Variants in PHF14 observed in about 807,000 individuals in gnomAD.
The protein encoded by PHF14 is PHD finger protein 14.
PHF14 carries 55 observed loss-of-function variants against 117.9 expected under a neutral mutation model. That is an observed-to-expected ratio of 0.47 (90% CI 0.38 to 0.58). The LOEUF is 0.58. PHF14 is among the 20% of genes least tolerant of loss of function. The pLI is 0.00. For missense variants in PHF14, 978 were observed against 1,122.2 expected (o/e 0.87, Z 1.84); for synonymous variants, 409 against 368.6 (o/e 1.11, Z -1.26).
At chr7:11,108,850 G>T (rs1479294633) in intron 16 of PHF14, 2 of 151,696 alleles carry the variant, frequency 1.3e-5, no homozygotes, top group Non-Finnish European at 3.0e-5. Flanking sequence ...TGATACACAT[G>T]CATCATGATA....
At chr7:10,986,026 T>C (rs1312981585) in intron 3 of PHF14, among the ~76,000 whole-genome samples, 1 of 152,066 alleles carries the variant, frequency 6.6e-6, no homozygotes, top group African/African-American at 2.4e-5. Context: ...TGGGGTGCAG[T>C]GGTGTGATCA....
At chr7:11,048,433 A>G (rs566254293) in intron 13 of PHF14, among the ~76,000 whole-genome samples, 2,295 of 152,158 alleles carry the variant, frequency 0.015, 19 homozygotes, top group Non-Finnish European at 0.023. Flanking sequence ...TTAGCCAGGC[A>G]TGGTGGCAGG....
chr7:10,994,832 G>A (rs868550513), intron 4 of PHF14, among the ~76,000 whole-genome samples: 4 of 152,124 alleles, frequency 2.6e-5, no homozygotes, highest in African/African-American at 7.2e-5. Context: ...AAGGCAGCGC[G>A]TACCCGAAGA....
At chr7:11,063,786 C>G in intron 16 of PHF14, 1 of 595,290 alleles carries the variant, frequency 1.7e-6, no homozygotes, top group Non-Finnish European at 2.1e-6. Context: ...AAAAAAAGTG[C>G]CATCTTCTAA....
intron 16 of PHF14, chr7:11,108,930 T>G (rs747024875): frequency 6.6e-6 from 1 of 151,754 alleles, no homozygotes; most frequent in African/African-American, 2.4e-5. Flanking sequence ...AAAGTAAATA[T>G]GCAGTAATTA....
At chr7:11,138,079 C>G (rs1788286278) in intron 17 of PHF14, among the ~76,000 whole-genome samples, 1 of 151,326 alleles carries the variant, frequency 6.6e-6, no homozygotes, top group Admixed American at 6.6e-5. Flanking sequence ...GCTCTGTCAC[C>G]CAGCAGGCTG....
chr7:11,057,609 G>A (rs886416317), intron 14 of PHF14, among the ~76,000 whole-genome samples: 1 of 152,052 alleles, frequency 6.6e-6, no homozygotes, highest in Non-Finnish European at 1.5e-5. Context: ...CGTTACCTCA[G>A]GTGATCTACC....
intron 17 of PHF14, among the ~76,000 whole-genome samples, chr7:11,129,852 AG>A (rs1788043273): frequency 6.6e-6 from 1 of 152,018 alleles, no homozygotes; most frequent in African/African-American, 2.4e-5. Flanking sequence ...TAAGAAGTAT[AG>A]GTAAGGTACA....
At chr7:11,017,083 A>G (rs568605680) in intron 5 of PHF14, among the ~76,000 whole-genome samples, 1 of 152,212 alleles carries the variant, frequency 6.6e-6, no homozygotes, top group South Asian at 2.1e-4. Flanking sequence ...ACTGGCTCTC[A>G]TTCTTTTTTA....
At chr7:11,078,083 C>T (rs1284622972) in intron 16 of PHF14, among the ~76,000 whole-genome samples, 1 of 152,112 alleles carries the variant, frequency 6.6e-6, no homozygotes, top group East Asian at 1.9e-4. Flanking sequence ...AATAGAAATG[C>T]TTTCACATTT....
chr7:11,152,524 A>G (rs1160826990), intron 17 of PHF14, among the ~76,000 whole-genome samples: 1 of 152,188 alleles, frequency 6.6e-6, no homozygotes, highest in Non-Finnish European at 1.5e-5. Context: ...CAAAATTATT[A>G]TTTACTTGAT....
At chr7:10,974,803 T>A in intron 1 of PHF14, 32 bp from the exon 2 acceptor site, 1 of 1,074,296 alleles carries the variant, frequency 9.3e-7, no homozygotes, top group Non-Finnish European at 1.4e-6. Flanking sequence ...GGTGTGATTA[T>A]GAATGACAAT....
intron 16 of PHF14, chr7:11,104,121 T>C: frequency 1.0e-6 from 1 of 984,934 alleles, no homozygotes; most frequent in Non-Finnish European, 1.2e-6. Context: ...ATTTTAGGTT[T>C]TTTGAGAAAC....
At chr7:11,090,286 TC>T (rs1786594422) in intron 16 of PHF14, among the ~76,000 whole-genome samples, 1 of 152,174 alleles carries the variant, frequency 6.6e-6, no homozygotes, top group Non-Finnish European at 1.5e-5. Flanking sequence ...TGGTAGGCAC[TC>T]CCTGTAATTG....
intron 4 of PHF14, among the ~76,000 whole-genome samples, chr7:11,009,240 A>G (rs1342430791): frequency 8.4e-4 from 128 of 152,202 alleles, no homozygotes; most frequent in Admixed American, 8.4e-3. Flanking sequence ...TGGTTTGTTC[A>G]AAGTTACACA....
intron 5 of PHF14, among the ~76,000 whole-genome samples, chr7:11,021,741 G>T (rs191613561): frequency 6.6e-6 from 1 of 152,072 alleles, no homozygotes; most frequent in Non-Finnish European, 1.5e-5. Flanking sequence ...TGGGAGGTTG[G>T]ATTAAAACAT....
chr7:11,156,323 C>A (rs926533779), intron 17 of PHF14, among the ~76,000 whole-genome samples: 3 of 150,092 alleles, frequency 2.0e-5, no homozygotes, highest in Non-Finnish European at 4.4e-5. Flanking sequence ...AATTCAATTT[C>A]TTTTTAACCC....
chr7:10,983,330 TAA>T, intron 3 of PHF14, among the ~76,000 whole-genome samples, 171 bp downstream of exon 3: 1 of 152,346 alleles, frequency 6.6e-6, no homozygotes. Context: ...AGACTTTTAT[TAA>T]ATATCTACTA....
chr7:11,091,062 G>A (rs1037649719), intron 16 of PHF14, among the ~76,000 whole-genome samples: 1 of 152,164 alleles, frequency 6.6e-6, no homozygotes, highest in Admixed American at 6.5e-5. Flanking sequence ...GAAGACAAGG[G>A]ATGATACAAA....
Sources: allele counts gnomAD v4.1 joint callset (sites outside exome capture counted in the v4.1 genomes callset), GRCh38; gene constraint gnomAD v4.1.1; transcripts MANE v1.5; gene names NCBI Gene and HGNC (gene_info 2026-07-23, HGNC 2026-07-21).